PGCKA1: variants seen among roughly 807,000 people sequenced by gnomAD.
PGCKA1 encodes the protein PDCD10 and GCKIII kinases-associated protein 1.
chr4:37,563,641 C>A, the PGCKA1 span, among the ~76,000 whole-genome samples: 1 of 151,974 alleles, frequency 6.6e-6, no homozygotes, highest in African/African-American at 2.4e-5. Context: ...TACTGTAAGA[C>A]TCTGGGAATT....
the PGCKA1 span, among the ~76,000 whole-genome samples, chr4:37,539,134 C>T: frequency 2.0e-5 from 3 of 152,126 alleles, no homozygotes; most frequent in Non-Finnish European, 2.9e-5. Context: ...TCTGAGCCCC[C>T]AGCCGACCCT....
At chr4:37,465,159 T>G in the PGCKA1 span, among the ~76,000 whole-genome samples, 2 of 152,206 alleles carry the variant, frequency 1.3e-5, no homozygotes, top group Non-Finnish European at 2.9e-5. Flanking sequence ...AATTGGAGTT[T>G]TGAAAAAATA....
the PGCKA1 span, among the ~76,000 whole-genome samples, chr4:37,511,748 T>A: frequency 6.6e-6 from 1 of 152,200 alleles, no homozygotes; most frequent in Non-Finnish European, 1.5e-5. Context: ...GTCCACTGGC[T>A]CAGAGCCCAG....
chr4:37,574,143 A>G, the PGCKA1 span, among the ~76,000 whole-genome samples: 6 of 152,092 alleles, frequency 3.9e-5, no homozygotes, highest in East Asian at 1.2e-3. Flanking sequence ...AGCCAAGATC[A>G]TGCCACTATA....
the PGCKA1 span, among the ~76,000 whole-genome samples, chr4:37,548,022 A>AAAAGG: frequency 3.4e-5 from 5 of 145,730 alleles, no homozygotes; most frequent in African/African-American, 2.5e-5. Context: ...GGAAAAAAAA[A>AAAAGG]GGGGGGGAGG....
the PGCKA1 span, among the ~76,000 whole-genome samples, chr4:37,531,640 C>T: frequency 6.6e-6 from 1 of 151,674 alleles, no homozygotes; most frequent in African/African-American, 2.4e-5. Flanking sequence ...CGCCTGTAAT[C>T]CCAGCACTTT....
the PGCKA1 span, among the ~76,000 whole-genome samples, chr4:37,567,782 G>A: frequency 1.3e-5 from 2 of 152,126 alleles, no homozygotes; most frequent in African/African-American, 2.4e-5. Context: ...TGGAGCCATC[G>A]TGAAGTCAGC....
At chr4:37,481,572 C>G in the PGCKA1 span, among the ~76,000 whole-genome samples, 2 of 150,808 alleles carry the variant, frequency 1.3e-5, no homozygotes, top group African/African-American at 2.4e-5. Context: ...CAGATGGCCA[C>G]CCTTTTGCCG....
the PGCKA1 span, among the ~76,000 whole-genome samples, chr4:37,471,654 CAA>C: frequency 2.0e-5 from 3 of 151,794 alleles, no homozygotes; most frequent in African/African-American, 7.3e-5. Context: ...AAGGAAAGAT[CAA>C]AGAGGTATAT....
chr4:37,510,943 C>G, the PGCKA1 span, among the ~76,000 whole-genome samples: 2 of 151,750 alleles, frequency 1.3e-5, no homozygotes, highest in Non-Finnish European at 2.9e-5. Context: ...CCCTTCTTCC[C>G]TCCCCTTTCA....
chr4:37,499,918 CTTTT>C, the PGCKA1 span, among the ~76,000 whole-genome samples: 4 of 79,258 alleles, frequency 5.0e-5, no homozygotes, highest in Admixed American at 7.4e-4. Flanking sequence ...GTCTTCCTAA[CTTTT>C]TTTTTTTTTT....
the PGCKA1 span, among the ~76,000 whole-genome samples, chr4:37,461,364 G>A: frequency 1.3e-5 from 2 of 151,942 alleles, no homozygotes; most frequent in Non-Finnish European, 2.9e-5. Flanking sequence ...TAATGTCAAT[G>A]GTGGTTTGAT....
chr4:37,563,024 T>G, the PGCKA1 span, among the ~76,000 whole-genome samples: 1 of 152,182 alleles, frequency 6.6e-6, no homozygotes, highest in Non-Finnish European at 1.5e-5. Context: ...AAAGGAATAT[T>G]GGGTTCCAAC....
the PGCKA1 span, among the ~76,000 whole-genome samples, chr4:37,506,357 T>G: frequency 6.6e-6 from 1 of 152,138 alleles, no homozygotes; most frequent in Non-Finnish European, 1.5e-5. Context: ...TAAGACATAT[T>G]GTTAGCTTAT....
chr4:37,558,472 T>C, the PGCKA1 span, among the ~76,000 whole-genome samples: 5 of 152,104 alleles, frequency 3.3e-5, no homozygotes, highest in African/African-American at 1.2e-4. Flanking sequence ...TGGGTACTTG[T>C]TAGAAATTCA....
At chr4:37,481,464 C>CAAAAAAAAAAAAAAAAAAAAAAAAAA in the PGCKA1 span, among the ~76,000 whole-genome samples, 4 of 61,444 alleles carry the variant, frequency 6.5e-5, 1 homozygote, top group Non-Finnish European at 9.1e-5. Context: ...GACCTGTCTC[C>CAAAAAAAAAAAAAAAAAAAAAAAAAA]AAAAAAAAAA....
chr4:37,497,295 C>T, the PGCKA1 span, among the ~76,000 whole-genome samples: 38 of 151,730 alleles, frequency 2.5e-4, no homozygotes, highest in East Asian at 7.0e-3. Flanking sequence ...ACTATTCCAT[C>T]ATATATATAT....
the PGCKA1 span, among the ~76,000 whole-genome samples, chr4:37,517,279 A>G: frequency 1.4e-4 from 20 of 147,496 alleles, no homozygotes; most frequent in East Asian, 1.9e-4. Flanking sequence ...AAATATATAT[A>G]TAAATATGTA....
At chr4:37,512,991 G>A in the PGCKA1 span, among the ~76,000 whole-genome samples, 1 of 151,978 alleles carries the variant, frequency 6.6e-6, no homozygotes, top group African/African-American at 2.4e-5. Flanking sequence ...AGGAGGCTGA[G>A]GTAGGAGAAT....
Sources: gnomAD v4.1 joint callset for allele counts (sites outside exome capture counted in the v4.1 genomes callset) on GRCh38, gnomAD v4.1.1 for gene constraint, MANE v1.5 for transcripts, NCBI Gene and HGNC (gene_info 2026-07-23, HGNC 2026-07-21) for gene names.